The following HGD variants were observed in gnomAD, a reference collection of about 807,000 sequenced individuals.
HGD encodes homogentisate 1,2-dioxygenase, also known as homogentisate oxidase.
In HGD, 61 loss-of-function variants were observed where a neutral mutation model predicts 60.8. That is an observed-to-expected ratio of 1.00 (90% CI 0.82 to 1.24). HGD has a LOEUF of 1.24. HGD is among the 50% of genes most tolerant of loss of function. The pLI, the probability that HGD is intolerant of heterozygous loss-of-function variation, is 0.00. For missense variants in HGD, 542 were observed against 547.1 expected (o/e 0.99, Z 0.09); for synonymous variants, 212 against 187.7 (o/e 1.13, Z -1.06).
chr3:120,650,009 G>C lies in HGD; in HGVS notation c.434+765C>G, dbSNP rs1259299928. Among the ~76,000 whole-genome samples, 4 of 152,156 alleles carry C rather than the reference G, an allele frequency of 2.6e-5. No homozygotes were observed. The East Asian group carries it at 7.7e-4, about 29-fold the overall frequency. ...AACAAATAATCTAAGAATGAGGAAAGACAAGGAGAAAGGTGCCTCTACTTG... is the reference window on the plus strand; with the variant it reads ...AACAAATAATCTAAGAATGAGGAAACACAAGGAGAAAGGTGCCTCTACTTG... On this transcript the variant is annotated intron_variant, in intron 6 of 13. Transcript: ENST00000283871.
chr3:120,670,952 G>T (rs1205704856), intron 3 of HGD, among the ~76,000 whole-genome samples: 2 of 152,206 alleles, frequency 1.3e-5, no homozygotes, highest in East Asian at 3.8e-4. Context: ...TACGCAGCTT[G>T]AGAGAATATG....
At chr3:120,675,654 C>A (rs1182390971) in intron 2 of HGD, 138 bp downstream of exon 2, 2 of 715,466 alleles carry the variant, frequency 2.8e-6, no homozygotes, top group African/African-American at 1.7e-5. Flanking sequence ...ATCTTCATTG[C>A]CCCTATGACT....
intron 6 of HGD, among the ~76,000 whole-genome samples, chr3:120,649,907 T>C (rs910628274): frequency 3.3e-5 from 5 of 152,044 alleles, no homozygotes; most frequent in Admixed American, 2.0e-4. Flanking sequence ...CCTGCCTACA[T>C]TCAGTACACC....
At chr3:120,642,060 G>C (rs1212600409) in intron 10 of HGD, among the ~76,000 whole-genome samples, 1 of 152,186 alleles carries the variant, frequency 6.6e-6, no homozygotes, top group Non-Finnish European at 1.5e-5. Context: ...CTGGAACAGA[G>C]AGTACCTGCT....
chr3:120,648,602 C>G (rs1168279477), intron 6 of HGD, among the ~76,000 whole-genome samples: 1 of 152,212 alleles, frequency 6.6e-6, no homozygotes. Flanking sequence ...AGCTCCTCTA[C>G]TTAAGAATTT....
intron 9 of HGD, 35 bp from the exon 10 acceptor site, chr3:120,644,478 T>G: frequency 1.2e-6 from 2 of 1,613,618 alleles, no homozygotes; most frequent in Non-Finnish European, 1.7e-6. Flanking sequence ...TTTTAGAAAC[T>G]TCCAAAACAT....
chr3:120,666,362 GCAAAGC>G (rs1164832116), intron 4 of HGD, among the ~76,000 whole-genome samples: 1 of 152,076 alleles, frequency 6.6e-6, no homozygotes, highest in Non-Finnish European at 1.5e-5. Context: ...AAGGACAAAA[GCAAAGC>G]CATTCTAACC....
At chr3:120,671,142 T>C (rs1168746396) in intron 3 of HGD, among the ~76,000 whole-genome samples, 1 of 152,198 alleles carries the variant, frequency 6.6e-6, no homozygotes, top group African/African-American at 2.4e-5. Flanking sequence ...TTAGTGATTT[T>C]CTTATATATT....
rs534927553 is a variant in HGD at position 120,644,401 on chromosome 3, A to G, written c.692T>C (p.Ile231Thr). ...TACTTGGCGATCCTCATACCAGGCA[A>G]TGGGTATCAAGAAATCACGAGGATT... ...LANPRDFLIP[I>T]AWYEDRQVPG... The change falls in exon 10 of 14, where the codon ATT becomes ACT. Residue 231 changes from isoleucine (I) to threonine (T), a missense_variant. Physicochemically the swap from Ile to Thr is moderately conservative, Grantham distance 89. Around this residue, in one of 2 missense-constraint regions of HGD, gnomAD observed 537 missense variants for 529.1 expected, o/e 1.01. Coordinates refer to ENST00000283871, the MANE Select transcript of HGD (RefSeq NM_000187.4). 1 of 1,614,146 alleles carries G rather than the reference A, an allele frequency of 6.2e-7. No homozygotes were observed. The highest frequency in any genetic ancestry group is 1.1e-5 in the South Asian group (1 of 91,082).
At chr3:120,653,993 C>T (rs949915579) in intron 4 of HGD, among the ~76,000 whole-genome samples, 1 of 152,164 alleles carries the variant, frequency 6.6e-6, no homozygotes, top group Non-Finnish European at 1.5e-5. Flanking sequence ...GAAATTTTCT[C>T]CCAGTTGAGA....
At chr3:120,644,678 T>C in intron 9 of HGD, 1 of 1,422,502 alleles carries the variant, frequency 7.0e-7, no homozygotes, top group African/African-American at 1.4e-5. Context: ...GGAGTGACTA[T>C]GGTTAACAAA....
At chr3:120,663,808 T>C (rs1030636061) in intron 4 of HGD, among the ~76,000 whole-genome samples, 1 of 151,836 alleles carries the variant, frequency 6.6e-6, no homozygotes, top group Non-Finnish European at 1.5e-5. Context: ...GATTATAATA[T>C]AATATCAAAA....
chr3:120,640,440 C>G (rs752367018), intron 11 of HGD, among the ~76,000 whole-genome samples: 8 of 152,154 alleles, frequency 5.3e-5, no homozygotes, highest in South Asian at 2.1e-4. Context: ...TGAAGAGCAT[C>G]AAACACCATG....
Position 120,641,610 on chromosome 3 carries a change from G to GT in HGD, c.857dup (p.Asn286LysfsTer6). 6.2e-7 allele frequency: 1 copy of GT among 1,613,464 alleles called. No individual in the cohort carries two copies. The highest frequency in any genetic ancestry group is 2.2e-5 in the East Asian group (1 of 44,870). ...TTACTGCATGGTCAAAGGCCACTGAGTTGATAACCATGAAATTCTTCAGGT... is the reference window on the plus strand; with the variant it reads ...TTACTGCATGGTCAAAGGCCACTGAGTTTGATAACCATGAAATTCTTCAGGT... On this transcript the variant is annotated frameshift_variant, in exon 11 of 14. Coordinates refer to ENST00000283871, the MANE Select transcript of HGD (RefSeq NM_000187.4). LOFTEE classifies it high-confidence loss of function.
chr3:120,638,749 C>G lies in HGD; in HGVS notation c.880-168G>C, dbSNP rs540977757. Among the ~76,000 whole-genome samples, 10 of 152,212 alleles carry G rather than the reference C, an allele frequency of 6.6e-5. 1 individual carries two copies. The East Asian group carries it at 1.7e-3, about 26-fold the overall frequency. On this transcript the variant is annotated intron_variant, in intron 11 of 13. Coordinates refer to ENST00000283871, the MANE Select transcript of HGD (RefSeq NM_000187.4). ...GAGGGATACATATGCAGTTTTGTTA[C>G]ATGGGTATATTGTGTGATACTGAGG...
chr3:120,673,817 C>T (rs1260913467), intron 3 of HGD, among the ~76,000 whole-genome samples: 2 of 152,188 alleles, frequency 1.3e-5, no homozygotes, highest in Non-Finnish European at 2.9e-5. Flanking sequence ...CTAAGCTAAG[C>T]TAATGTGCTT....
At chr3:120,672,378 C>T (rs1228839017) in intron 3 of HGD, among the ~76,000 whole-genome samples, 1 of 152,156 alleles carries the variant, frequency 6.6e-6, no homozygotes, top group African/African-American at 2.4e-5. Flanking sequence ...CATTGAAGCT[C>T]ACTAAGAGGG....
chr3:120,655,351 C>T (rs1030139077), intron 4 of HGD, among the ~76,000 whole-genome samples: 1 of 152,140 alleles, frequency 6.6e-6, no homozygotes, highest in Non-Finnish European at 1.5e-5. Flanking sequence ...CAATAGGGCC[C>T]ACAATCCGGA....
chr3:120,633,143 T>C lies in HGD; in HGVS notation c.1188+4A>G. The C allele has an allele frequency of 6.2e-7, 1 of 1,613,996 alleles. No homozygotes were observed. The highest frequency in any genetic ancestry group is 8.5e-7 in the Non-Finnish European group (1 of 1,179,908). ...CGCTGGAATGTGGCAGTTAACATAC[T>C]TACCATGGTGCCATCGGCAATCCTC... is the stretch of plus-strand genomic sequence containing the variant. On this transcript the variant is annotated splice_donor_region_variant and intron_variant, in intron 13 of 13. Coordinates refer to ENST00000283871, the MANE Select transcript of HGD (RefSeq NM_000187.4).
Sources: gnomAD v4.1 joint callset for allele counts (sites outside exome capture counted in the v4.1 genomes callset) on GRCh38, gnomAD v4.1.1 for gene constraint, gnomAD v4.1.1 regional missense constraint, MANE v1.5 for transcripts, NCBI Gene and HGNC (gene_info 2026-07-23, HGNC 2026-07-21) for gene names.